TRIM3: variants seen among roughly 807,000 people sequenced by gnomAD.
TRIM3 encodes tripartite motif-containing protein 3.
A neutral mutation model predicts 66.6 loss-of-function variants in TRIM3; 13 were observed. That is an observed-to-expected ratio of 0.20 (90% CI 0.13 to 0.31). The LOEUF (loss-of-function observed/expected upper bound fraction) is 0.31. Ranked by LOEUF, TRIM3 falls within the 10% of genes least tolerant of loss-of-function variation. The probability of loss-of-function intolerance (pLI) is 1.00; values close to 1 mark genes in which losing one functional copy is unlikely to be tolerated. For missense variants in TRIM3, 711 were observed against 1,020.4 expected (o/e 0.70, Z 4.13); for synonymous variants, 406 against 411.7 (o/e 0.99, Z 0.17).
At position 6,450,655 on chromosome 11, in the gene TRIM3, C is replaced by G. The variant is rs764118096; in HGVS notation, c.1871-34G>C. 1 of 1,600,710 alleles carries G rather than the reference C, an allele frequency of 6.2e-7. No homozygotes were observed. The highest frequency in any genetic ancestry group is 2.2e-5 in the East Asian group (1 of 44,804). On this transcript the variant is annotated intron_variant, in intron 9 of 11. Transcript: ENST00000345851. This position sits in a 1 kb window ranked among gnomAD's most constrained non-coding sequence, Gnocchi z 4.8. ...ACAAAGTGGTCTTCAGGGCAGTAAG[C>G]TGGGATGCTGAGTGGGATGGGGAAG...
In TRIM3 at chr11:6,456,863, T is replaced by C. The variant is rs1850014951; in HGVS notation, c.863A>G (p.Glu288Gly). ...LAALAAQAFP[E>G]RPHENAQLEL... ...CAGCTGTGCATTCTCATGTGGCCGC[T>C]CCGGGAAGGCCTGTGCCGCCAATGC... is the stretch of plus-strand genomic sequence containing the variant. The change falls in exon 6 of 12, where the codon GAG becomes GGG. Residue 288 changes from glutamate to glycine, a missense_variant. Physicochemically the swap from Glu to Gly is moderately conservative, Grantham distance 98. Around this residue, in one of 3 missense-constraint regions of TRIM3, gnomAD observed 399 missense variants for 458.1 expected, o/e 0.87. Transcript: ENST00000345851. The surrounding 1 kb of genome is among the most constrained non-coding windows in gnomAD (Gnocchi z 6.4). 1 of 1,612,664 alleles carries C rather than the reference T, an allele frequency of 6.2e-7. No homozygotes were observed. Among genetic ancestry groups the C allele is most frequent in the Non-Finnish European group, 8.5e-7 (1 of 1,179,954 alleles).
In TRIM3 at chr11:6,458,636, T is replaced by C. The variant is rs1207603589; in HGVS notation, c.132-340A>G. On this transcript the variant is annotated intron_variant, in intron 2 of 11. Transcript: ENST00000345851. This position sits in a 1 kb window ranked among gnomAD's most constrained non-coding sequence, Gnocchi z 6.2. ...AACTTCTTTAACTCATTAACACTACTGTCTACTCTTGCCAAATTTATGCCA... is the reference window on the plus strand; with the variant it reads ...AACTTCTTTAACTCATTAACACTACCGTCTACTCTTGCCAAATTTATGCCA... Among the ~76,000 whole-genome samples, 1 of 152,206 alleles carries C rather than the reference T, an allele frequency of 6.6e-6. No homozygotes were observed. Among genetic ancestry groups the C allele is most frequent in the African/African-American group, 2.4e-5 (1 of 41,444 alleles).
rs1366553639 is a variant in TRIM3 at position 6,451,385 on chromosome 11, T to G, written c.1587A>C (p.Ser529=). Residue 529 remains serine, a synonymous_variant, in exon 8 of 12, where the codon TCA becomes TCC. Transcript: ENST00000345851. ...CTGTGGGGCGCTGCAGCTGCCCAGG[T>G]GAGCGTCCTCGGACCCCAAAACGGA... ...FKFRFGVRGR[S]PGQLQRPTGV... The G allele has an allele frequency of 4.3e-6, 7 of 1,614,174 alleles. No individual in the cohort carries two copies. The Admixed American group carries it at 5.0e-5, about 12-fold the overall frequency.
rs773350227 is a variant in TRIM3, at chr11:6,457,339, G to A, written c.653C>T (p.Ala218Val). ...LEQALQQRKQ[A>V]LVSDLETICG... ...AATGGTCTCCAGGTCGCTGACCAGA[G>A]CCTGCTTGCGCTGCTGCAGTGCTTG... Residue 218 changes from alanine to valine, a missense_variant, in exon 5 of 12, where the codon GCT becomes GTT. Physicochemically the swap from Ala to Val is moderately conservative, Grantham distance 64. Around this residue, in one of 3 missense-constraint regions of TRIM3, gnomAD observed 399 missense variants for 458.1 expected, o/e 0.87. Transcript: ENST00000345851. This position sits in a 1 kb window ranked among gnomAD's most constrained non-coding sequence, Gnocchi z 4.5. 8.1e-6 allele frequency: 13 copies of A among 1,614,046 alleles called. No individual in the cohort carries two copies. In the South Asian group the frequency reaches 1.1e-4, roughly 14 times the overall value.
At chr11:6,471,516 A>G (rs1023391857) in intron 1 of TRIM3, among the ~76,000 whole-genome samples, 1 of 152,258 alleles carries the variant, frequency 6.6e-6, no homozygotes, top group Non-Finnish European at 1.5e-5. Context: ...AGACTGAGTA[A>G]AGTGAATGAA....
intron 2 of TRIM3, among the ~76,000 whole-genome samples, chr11:6,460,898 C>CTT (rs771919613): frequency 0.018 from 1,367 of 74,386 alleles, 4 homozygotes; most frequent in East Asian, 0.032. Context: ...TTTTTGGTGG[C>CTT]TTTTTTTTTT....
rs763490500 is a variant in TRIM3, at chr11:6,456,382, C to T, written c.1344G>A (p.Lys448=). ...ACATGGAGCTGGGCCTACGCACTGCCTTCTGGCGCACATGGCTGCCGGGGC... is the reference window on the plus strand; with the variant it reads ...ACATGGAGCTGGGCCTACGCACTGCTTTCTGGCGCACATGGCTGCCGGGGC... ...PGGPGSHVRQ[K]AVRRPSSMYS... Residue 448 remains lysine, a synonymous_variant, in exon 6 of 12, where the codon AAG becomes AAA. Coordinates refer to ENST00000345851, the MANE Select transcript of TRIM3 (RefSeq NM_033278.4). This position sits in a 1 kb window ranked among gnomAD's most constrained non-coding sequence, Gnocchi z 6.4. 1 of 1,531,320 alleles carries T rather than the reference C, an allele frequency of 6.5e-7. No individual in the cohort carries two copies. Among genetic ancestry groups the T allele is most frequent in the Non-Finnish European group, 8.8e-7 (1 of 1,136,664 alleles). The allele number at this position is 1,531,320 out of a possible 1,614,324, so 94.9% of individuals were successfully genotyped here.
upstream of TRIM3, chr11:6,474,277 G>C (rs1038619195): frequency 6.6e-6 from 1 of 152,638 alleles, no homozygotes; most frequent in African/African-American, 2.4e-5. Context: ...GGGCAGCAGG[G>C]ATTTCGGACT....
Position 6,456,193 on chromosome 11 carries a change from A to C in TRIM3, c.1430-18T>G. On this transcript the variant is annotated intron_variant, in intron 6 of 11. Transcript: ENST00000345851. This position sits in a 1 kb window ranked among gnomAD's most constrained non-coding sequence, Gnocchi z 6.4. ...ACGACTGCCTGTGGGAAGGGACAGG[A>C]GGGAAAACAAAATAATTCATTCAGA... is the stretch of plus-strand genomic sequence containing the variant. The C allele has an allele frequency of 6.2e-7, 1 of 1,613,186 alleles. No homozygotes were observed.
Position 6,457,062 on chromosome 11 carries a change from G to A in TRIM3, c.697-33C>T. 1 of 1,565,560 alleles carries A rather than the reference G, an allele frequency of 6.4e-7. No homozygotes were observed. ...GGGGTAGGGGAGGAGTGGGTGAGCAGACTGGCACAGGGGGAGTCTCTGTGA... is the reference window on the plus strand; with the variant it reads ...GGGGTAGGGGAGGAGTGGGTGAGCAAACTGGCACAGGGGGAGTCTCTGTGA... On this transcript the variant is annotated intron_variant, in intron 5 of 11. Transcript: ENST00000345851. The surrounding 1 kb of genome is among the most constrained non-coding windows in gnomAD (Gnocchi z 4.5).
At position 6,449,566 on chromosome 11, in the gene TRIM3, C is replaced by A. The variant is rs750330331; in HGVS notation, c.1942-120G>T. On this transcript the variant is annotated intron_variant, in intron 10 of 11. Transcript: ENST00000345851. This position sits in a 1 kb window ranked among gnomAD's most constrained non-coding sequence, Gnocchi z 5.3. ...CCCACCCAGATCTACAGCTACAGCC[C>A]AAATCTGCTTCATAGGCTTCACATC... 1.4e-4 allele frequency: 131 copies of A among 949,414 alleles called. No individual in the cohort carries two copies. Among genetic ancestry groups the A allele is most frequent in the Non-Finnish European group, 1.9e-4 (122 of 645,336 alleles). The allele number at this position is 949,414 out of a possible 1,614,324, so 58.8% of individuals were successfully genotyped here.
chr11:6,449,238 T>C lies in TRIM3; in HGVS notation c.2083-58A>G. 6.2e-7 allele frequency: 1 copy of C among 1,609,586 alleles called. No homozygotes were observed. The highest frequency in any genetic ancestry group is 8.5e-7 in the Non-Finnish European group (1 of 1,176,226). On this transcript the variant is annotated intron_variant, in intron 11 of 11. Coordinates refer to ENST00000345851, the MANE Select transcript of TRIM3 (RefSeq NM_033278.4). This position sits in a 1 kb window ranked among gnomAD's most constrained non-coding sequence, Gnocchi z 5.3. ...AAGATCAGGCAGATGAGAGTCTGTT[T>C]TGGGGGAACGGGCATATGGGACACA... is the stretch of plus-strand genomic sequence containing the variant.
intron 2 of TRIM3, among the ~76,000 whole-genome samples, chr11:6,463,334 T>G (rs931999363): frequency 1.3e-5 from 2 of 152,242 alleles, no homozygotes; most frequent in African/African-American, 4.8e-5. Context: ...GAAATCAGTA[T>G]GTATAAATCA....
chr11:6,465,785 C>A, intron 1 of TRIM3, 53 bp from the exon 2 acceptor site: 1 of 1,493,468 alleles, frequency 6.7e-7, no homozygotes. Context: ...TCTCCCCACC[C>A]AATCCCCGCC....
In TRIM3 at chr11:6,456,435, C is replaced by T. The variant is rs937945297; in HGVS notation, c.1291G>A (p.Val431Met). ...PGDLPPSPDDVKRRVKSPGGP... is the reference protein window; with the variant it reads ...PGDLPPSPDDMKRRVKSPGGP... ...CCAGGGGACTTGACACGGCGCTTCA[C>T]ATCGTCCGGGGAAGGTGGCAGGTCC... Residue 431 changes from valine to methionine, a missense_variant, in exon 6 of 12, where the codon GTG becomes ATG. Coordinates refer to ENST00000345851, the MANE Select transcript of TRIM3 (RefSeq NM_033278.4). This position sits in a 1 kb window ranked among gnomAD's most constrained non-coding sequence, Gnocchi z 6.4. 2 of 1,533,736 alleles carry T rather than the reference C, an allele frequency of 1.3e-6. No homozygotes were observed. The highest frequency in any genetic ancestry group is 2.8e-5 in the African/African-American group (2 of 72,516).
At chr11:6,454,894 A>T (rs914319058) in intron 7 of TRIM3, among the ~76,000 whole-genome samples, 33 of 152,194 alleles carry the variant, frequency 2.2e-4, no homozygotes, top group African/African-American at 7.5e-4. Flanking sequence ...GGTGTTTAGA[A>T]GTAAGGATCT....
chr11:6,465,519 C>T (rs1278261673), intron 2 of TRIM3, 46 bp downstream of exon 2: 1 of 1,608,770 alleles, frequency 6.2e-7, no homozygotes, highest in Admixed American at 1.7e-5. Context: ...GATCCTCATC[C>T]TCCCCACAGG....
At chr11:6,466,387 C>T (rs1850471386) in intron 1 of TRIM3, among the ~76,000 whole-genome samples, 1 of 152,214 alleles carries the variant, frequency 6.6e-6, no homozygotes, top group Non-Finnish European at 1.5e-5. Flanking sequence ...TTCTTGTCTC[C>T]TCACTGACAC....
chr11:6,467,847 C>A (rs1850528966), intron 1 of TRIM3, among the ~76,000 whole-genome samples: 1 of 152,146 alleles, frequency 6.6e-6, no homozygotes, highest in Non-Finnish European at 1.5e-5. Flanking sequence ...AATTAGAAAG[C>A]TACTCTGGCA....
Sources: gnomAD v4.1 joint callset for allele counts (sites outside exome capture counted in the v4.1 genomes callset) on GRCh38, gnomAD v4.1.1 for gene constraint, gnomAD v4.1.1 regional missense constraint, Gnocchi (gnomAD v3.1) non-coding constraint, MANE v1.5 for transcripts, NCBI Gene and HGNC (gene_info 2026-07-23, HGNC 2026-07-21) for gene names.